The following GRIN3A variants were observed in gnomAD, a reference collection of about 807,000 sequenced individuals.
GRIN3A encodes the protein glutamate ionotropic receptor NMDA type subunit 3A.
In GRIN3A, 47 loss-of-function variants were observed where a neutral mutation model predicts 92.4. The ratio of observed to expected loss-of-function variants is 0.51; its 90% CI spans 0.40 to 0.65. The LOEUF (loss-of-function observed/expected upper bound fraction) is 0.65. Ranked by LOEUF, GRIN3A falls within the 30% of genes least tolerant of loss-of-function variation. The pLI, the probability that GRIN3A is intolerant of heterozygous loss-of-function variation, is 0.00. For synonymous variants in GRIN3A, 527 were observed against 540.6 expected (o/e 0.97, Z 0.35); for missense variants, 1,324 against 1,393.1 (o/e 0.95, Z 0.79).
intron 5 of GRIN3A, among the ~76,000 whole-genome samples, chr9:101,622,635 A>G (rs572101469): frequency 7.9e-5 from 12 of 152,316 alleles, no homozygotes; most frequent in African/African-American, 2.9e-4. Flanking sequence ...GCATTAAACT[A>G]TAGAATGAGT....
At chr9:101,736,385 T>A (rs2119051303) in intron 1 of GRIN3A, among the ~76,000 whole-genome samples, 1 of 152,390 alleles carries the variant, frequency 6.6e-6, no homozygotes, top group South Asian at 2.1e-4. Flanking sequence ...GTCTTGTTCT[T>A]AAAGATTCAT....
At chr9:101,616,768 C>T (rs1240969005) in intron 5 of GRIN3A, among the ~76,000 whole-genome samples, 2 of 145,418 alleles carry the variant, frequency 1.4e-5, no homozygotes, top group East Asian at 4.1e-4. Context: ...GGAGGGATAG[C>T]ATTGGGAGAT....
intron 3 of GRIN3A, among the ~76,000 whole-genome samples, chr9:101,640,430 G>T (rs757822706): frequency 1.3e-5 from 2 of 152,206 alleles, no homozygotes; most frequent in Non-Finnish European, 2.9e-5. Context: ...CACATGGAAT[G>T]ATTTGTAAAG....
intron 3 of GRIN3A, among the ~76,000 whole-genome samples, chr9:101,629,735 A>G (rs1168340434): frequency 1.3e-5 from 2 of 152,232 alleles, no homozygotes; most frequent in African/African-American, 2.4e-5. Context: ...CTTTACATAC[A>G]TTATCGTGCT....
intron 1 of GRIN3A, among the ~76,000 whole-genome samples, chr9:101,693,121 T>G (rs1002430735): frequency 6.6e-6 from 1 of 151,908 alleles, no homozygotes; most frequent in African/African-American, 2.4e-5. Context: ...AAATAGAGCT[T>G]GGGCCAGGTG....
intron 2 of GRIN3A, among the ~76,000 whole-genome samples, chr9:101,685,926 T>C (rs1564144167): frequency 6.6e-6 from 1 of 151,906 alleles, no homozygotes; most frequent in Non-Finnish European, 1.5e-5. Flanking sequence ...CAAAGGAAAT[T>C]AAGGCTCAGA....
intron 2 of GRIN3A, among the ~76,000 whole-genome samples, chr9:101,679,778 A>G (rs1829444840): frequency 6.6e-6 from 1 of 152,186 alleles, no homozygotes; most frequent in South Asian, 2.1e-4. Flanking sequence ...AGCTAGTGCT[A>G]AGCAGCCTCC....
At chr9:101,591,103 C>T (rs1296738216) in intron 6 of GRIN3A, among the ~76,000 whole-genome samples, 1 of 152,174 alleles carries the variant, frequency 6.6e-6, no homozygotes, top group African/African-American at 2.4e-5. Context: ...TGTGACTGAT[C>T]TCTATAGCCT....
intron 1 of GRIN3A, among the ~76,000 whole-genome samples, chr9:101,699,913 T>G (rs2118998680): frequency 6.6e-6 from 1 of 152,320 alleles, no homozygotes; most frequent in South Asian, 2.1e-4. Flanking sequence ...TGCCCAGAAC[T>G]TGCTTTGCCT....
chr9:101,629,646 C>T (rs1490718132), intron 3 of GRIN3A, among the ~76,000 whole-genome samples: 1 of 152,204 alleles, frequency 6.6e-6, no homozygotes, highest in African/African-American at 2.4e-5. Flanking sequence ...GCCAGCATAA[C>T]CTTAATGCCA....
Position 101,613,315 on chromosome 9 carries a change from C to T in GRIN3A, c.2766+61G>A. 5 of 1,542,562 alleles carry T rather than the reference C, an allele frequency of 3.2e-6. No individual in the cohort carries two copies. In the South Asian group the frequency reaches 4.5e-5, roughly 14 times the overall value. On this transcript the variant is annotated intron_variant, in intron 6 of 8. Coordinates refer to ENST00000361820, the MANE Select transcript of GRIN3A (RefSeq NM_133445.3). ...TGATGAGGCACAAGTAATAGCATTT[C>T]CTTATGTTCTCTGAGGTACAGCTAT... is the stretch of plus-strand genomic sequence containing the variant.
intron 3 of GRIN3A, among the ~76,000 whole-genome samples, chr9:101,632,531 G>A (rs1828729168): frequency 6.6e-6 from 1 of 152,040 alleles, no homozygotes; most frequent in African/African-American, 2.4e-5. Flanking sequence ...AATTCTCTTA[G>A]GTTAGATACA....
intron 3 of GRIN3A, among the ~76,000 whole-genome samples, chr9:101,640,791 C>A (rs975788078): frequency 5.3e-5 from 8 of 152,138 alleles, no homozygotes; most frequent in African/African-American, 1.9e-4. Context: ...TCCTTCTCTG[C>A]CTGCTGCGAT....
chr9:101,582,196 C>T (rs775346624), intron 6 of GRIN3A, among the ~76,000 whole-genome samples: 1 of 152,186 alleles, frequency 6.6e-6, no homozygotes, highest in Non-Finnish European at 1.5e-5. Flanking sequence ...AGGCATGATT[C>T]AGGCATAGGG....
intron 3 of GRIN3A, among the ~76,000 whole-genome samples, chr9:101,637,943 G>T (rs1156541265): frequency 6.6e-6 from 1 of 151,660 alleles, no homozygotes; most frequent in Non-Finnish European, 1.5e-5. Context: ...AATACAATCT[G>T]TCCCCTCCCC....
chr9:101,734,312 C>T (rs112598725), intron 1 of GRIN3A, among the ~76,000 whole-genome samples: 29 of 152,228 alleles, frequency 1.9e-4, no homozygotes, highest in African/African-American at 7.0e-4. Context: ...GAATTTAGAA[C>T]AAAGAAGTAA....
intron 6 of GRIN3A, chr9:101,594,578 A>G (rs1828085669): frequency 6.2e-7 from 1 of 1,614,160 alleles, no homozygotes; most frequent in African/African-American, 1.3e-5. Flanking sequence ...CATCTTCAGC[A>G]CCTGGAAGAG....
chr9:101,727,817 G>A (rs1830097506), intron 1 of GRIN3A, among the ~76,000 whole-genome samples: 1 of 150,228 alleles, frequency 6.7e-6, no homozygotes, highest in African/African-American at 2.5e-5. Flanking sequence ...GCCTAAAGCT[G>A]TATTTTGGAG....
At chr9:101,576,187 G>A (rs1827826023) in intron 8 of GRIN3A, among the ~76,000 whole-genome samples, 1 of 152,182 alleles carries the variant, frequency 6.6e-6, no homozygotes, top group South Asian at 2.1e-4. Context: ...ACCAGTGAGT[G>A]AGCTGTATTT....
Sources: gnomAD v4.1 joint callset for allele counts (sites outside exome capture counted in the v4.1 genomes callset) on GRCh38, gnomAD v4.1.1 for gene constraint, MANE v1.5 for transcripts, NCBI Gene and HGNC (gene_info 2026-07-23, HGNC 2026-07-21) for gene names.